Variants in REPS2 observed in about 807,000 individuals in gnomAD.
REPS2 encodes RALBP1 associated Eps domain containing 2, also known as ralBP1-associated Eps domain-containing protein 2.
Under a neutral mutation model 53.6 loss-of-function variants are expected in REPS2, and 23 were observed. The ratio of observed to expected loss-of-function variants is 0.43; its 90% CI spans 0.31 to 0.61. The LOEUF is 0.61. Ranked by LOEUF, REPS2 falls within the 20% of genes least tolerant of loss-of-function variation. The pLI is 0.11. For missense variants in REPS2, 446 were observed against 534.9 expected (o/e 0.83, Z 1.64); for synonymous variants, 238 against 218.6 (o/e 1.09, Z -0.78).
At position 17,029,568 on chromosome X, in the gene REPS2, C is replaced by A. The variant is rs1326155698; in HGVS notation, c.716C>A (p.Ser239Tyr). Residue 239 changes from serine to tyrosine, a missense_variant, in exon 5 of 18, where the codon TCC becomes TAC. By Grantham distance (144) the Ser-to-Tyr change is moderately radical. Coordinates refer to ENST00000357277, the MANE Select transcript of REPS2 (RefSeq NM_004726.3). ...ARQPLVQPEG[S>Y]SSGGPGTKPL... ...CAGCCCCTTGTCCAGCCCGAGGGATCCTCATCAGGGGGCCCAGGAACCAAG... is the reference window on the plus strand; with the variant it reads ...CAGCCCCTTGTCCAGCCCGAGGGATACTCATCAGGGGGCCCAGGAACCAAG... 1 of 1,209,407 alleles carries A rather than the reference C, an allele frequency of 8.3e-7. No homozygotes were observed. The highest frequency in any genetic ancestry group is 1.1e-6 in the Non-Finnish European group (1 of 894,453).
intron 6 of REPS2, among the ~76,000 whole-genome samples, chrX:17,050,012 C>T (rs1291312606): frequency 1.9e-5 from 2 of 106,378 alleles, no homozygotes; most frequent in Non-Finnish European, 3.8e-5. Flanking sequence ...TCTGACTTAC[C>T]TAGAGCAACT....
chrX:17,091,837 C>G (rs943283458), intron 13 of REPS2, among the ~76,000 whole-genome samples: 6 of 112,021 alleles, frequency 5.4e-5, no homozygotes, highest in Non-Finnish European at 9.4e-5. Flanking sequence ...TGAACAATTT[C>G]TGTTACAAAG....
At chrX:16,968,983 G>C (rs1232066889) in intron 1 of REPS2, among the ~76,000 whole-genome samples, 1 of 110,475 alleles carries the variant, frequency 9.1e-6, no homozygotes, top group African/African-American at 3.3e-5. Context: ...GCGGCTGCTG[G>C]GCTGAGGGGC....
chrX:16,953,105 ACACACACACACACACAC>A (rs1402219533), intron 1 of REPS2, among the ~76,000 whole-genome samples: 2 of 7,764 alleles, frequency 2.6e-4, no homozygotes, highest in Non-Finnish European at 4.7e-4. Flanking sequence ...AAACAAACAC[ACACACACACACACACAC>A]ACACACACAC....
chrX:17,016,642 C>G (rs1001761061), intron 2 of REPS2, among the ~76,000 whole-genome samples: 1 of 111,085 alleles, frequency 9.0e-6, no homozygotes, highest in African/African-American at 3.3e-5. Context: ...CTCCTGACCT[C>G]GAATGATCCA....
At chrX:17,008,813 C>T (rs1184010702) in intron 2 of REPS2, among the ~76,000 whole-genome samples, 2 of 111,082 alleles carry the variant, frequency 1.8e-5, no homozygotes, top group Non-Finnish European at 3.8e-5. Flanking sequence ...GGCATCATAC[C>T]CAGGGAGTTG....
At chrX:17,049,639 G>A (rs2061953123) in intron 6 of REPS2, among the ~76,000 whole-genome samples, 2 of 110,635 alleles carry the variant, frequency 1.8e-5, no homozygotes, top group African/African-American at 6.6e-5. Flanking sequence ...ATATTTATGG[G>A]GTACATGAGA....
chrX:17,136,297 C>A (rs1232910116), intron 16 of REPS2: 1 of 112,296 alleles, frequency 8.9e-6, no homozygotes, highest in Non-Finnish European at 1.9e-5. Flanking sequence ...GCCAAAGTCC[C>A]ATTCTGAATC....
chrX:17,173,933 C>T, the REPS2 span, among the ~76,000 whole-genome samples: 3 of 110,180 alleles, frequency 2.7e-5, no homozygotes, highest in Middle Eastern at 4.2e-3. Context: ...TGTAGGAGGG[C>T]GCAGGAGGCA....
chrX:17,103,459 T>C (rs931425141), intron 13 of REPS2, among the ~76,000 whole-genome samples: 1 of 112,033 alleles, frequency 8.9e-6, no homozygotes, highest in Non-Finnish European at 1.9e-5. Flanking sequence ...TGCTGCGTTT[T>C]AGGTGTCTTT....
intron 13 of REPS2, among the ~76,000 whole-genome samples, chrX:17,100,561 C>T (rs2062777181): frequency 8.9e-6 from 1 of 112,462 alleles, no homozygotes; most frequent in Admixed American, 9.3e-5. Context: ...GCACCGCCTT[C>T]ATAATCTATT....
the REPS2 span, among the ~76,000 whole-genome samples, chrX:17,177,931 T>G: frequency 2.7e-5 from 3 of 111,049 alleles, no homozygotes; most frequent in African/African-American, 9.8e-5. Context: ...GGCCTAATCC[T>G]CCAGAATGAA....
chrX:16,979,193 C>A (rs1018502639), intron 1 of REPS2, among the ~76,000 whole-genome samples: 10 of 111,721 alleles, frequency 9.0e-5, no homozygotes, highest in African/African-American at 3.3e-4. Flanking sequence ...TGCCCCCATA[C>A]CATATACTGT....
intron 17 of REPS2, among the ~76,000 whole-genome samples, chrX:17,141,594 G>A (rs2063447958): frequency 8.9e-6 from 1 of 112,055 alleles, no homozygotes; most frequent in African/African-American, 3.2e-5. Context: ...GAAACTGCTA[G>A]ATCATTTTCC....
At chrX:17,176,425 C>T in the REPS2 span, among the ~76,000 whole-genome samples, 1 of 111,770 alleles carries the variant, frequency 8.9e-6, no homozygotes, top group South Asian at 3.8e-4. Context: ...CCAGCCTGAC[C>T]CTAGTGGGCC....
chrX:17,110,512 T>C (rs1173458046), intron 14 of REPS2, among the ~76,000 whole-genome samples: 22 of 89,396 alleles, frequency 2.5e-4, no homozygotes, highest in East Asian at 3.5e-4. Flanking sequence ...TGGTGAAACC[T>C]CATCTCTACT....
intron 13 of REPS2, among the ~76,000 whole-genome samples, chrX:17,090,604 A>G (rs974283286): frequency 1.1e-4 from 12 of 112,354 alleles, no homozygotes; most frequent in African/African-American, 3.6e-4. Context: ...GTTGAGTTGT[A>G]TATTCTGTAA....
chrX:17,057,647 T>C (rs1239905638), intron 8 of REPS2, among the ~76,000 whole-genome samples: 1 of 112,954 alleles, frequency 8.9e-6, no homozygotes, highest in Non-Finnish European at 1.9e-5. Context: ...TTGAGGAGCA[T>C]GGGAAACTCC....
chrX:17,161,712 A>G, the REPS2 span, among the ~76,000 whole-genome samples: 17,099 of 110,232 alleles, frequency 0.16, 1,015 homozygotes, highest in Admixed American at 0.19. Context: ...AATCAGTGTT[A>G]TTTTAAGCCA....
Sources: allele counts gnomAD v4.1 joint callset (sites outside exome capture counted in the v4.1 genomes callset), GRCh38; gene constraint gnomAD v4.1.1; transcripts MANE v1.5; gene names NCBI Gene and HGNC (gene_info 2026-07-23, HGNC 2026-07-21).